Variants in LRRC38 observed in about 807,000 individuals in gnomAD.
LRRC38 encodes leucine-rich repeat-containing protein 38.
A neutral mutation model predicts 16.4 loss-of-function variants in LRRC38; 5 were observed. The ratio of observed to expected loss-of-function variants is 0.31; its 90% CI spans 0.16 to 0.64. The LOEUF (loss-of-function observed/expected upper bound fraction) is 0.64. LRRC38 is among the 30% of genes least tolerant of loss of function. The probability of loss-of-function intolerance (pLI) is 0.80; values close to 1 mark genes in which losing one functional copy is unlikely to be tolerated. For missense variants in LRRC38, 341 were observed against 401.8 expected, an observed-to-expected ratio of 0.85 and a Z score of 1.29; for synonymous variants, 191 against 190.2, an observed-to-expected ratio of 1.00 and a Z score of -0.04.
intron 1 of LRRC38, among the ~76,000 whole-genome samples, chr1:13,496,282 C>G (rs1441498996): frequency 6.6e-6 from 1 of 152,282 alleles, no homozygotes; most frequent in East Asian, 1.9e-4. Context: ...GATCCTCTTG[C>G]CTCAGCGTCC....
At position 13,481,587 on chromosome 1, in the gene LRRC38, G is replaced by A. The variant is rs184845258; in HGVS notation, c.632-5488C>T. Among the ~76,000 whole-genome samples, 79 of 151,272 alleles carry A rather than the reference G, an allele frequency of 5.2e-4. No individual in the cohort carries two copies. In the East Asian group the frequency reaches 0.014, roughly 26 times the overall value. Reference sequence around the variant, plus strand: ...TTTTTGTATTTTTTTAGTAGAGACGGGGTTTCACCGTGTTAGCCAGGATTG... The same window carrying A: ...TTTTTGTATTTTTTTAGTAGAGACGAGGTTTCACCGTGTTAGCCAGGATTG... On this transcript the variant is annotated intron_variant, in intron 1 of 1. Coordinates refer to ENST00000376085, the MANE Select transcript of LRRC38 (RefSeq NM_001010847.2).
intron 1 of LRRC38, among the ~76,000 whole-genome samples, chr1:13,484,638 A>G (rs978364602): frequency 6.6e-6 from 1 of 152,226 alleles, no homozygotes; most frequent in Non-Finnish European, 1.5e-5. Context: ...TCTCTGGAGT[A>G]GAGAGAAGCT....
At chr1:13,481,755 TTCTTTCCCTCTCTCTCCCTCTCTCCC>T (rs1480379842) in intron 1 of LRRC38, among the ~76,000 whole-genome samples, 1 of 88,016 alleles carries the variant, frequency 1.1e-5, no homozygotes, top group Non-Finnish European at 2.2e-5. Context: ...GCCTCTCACT[TTCTTTCCCTCTCTCTCCCTCTCTCCC>T]TCTCTCCCTC....
chr1:13,485,499 C>T (rs1294687219), intron 1 of LRRC38, among the ~76,000 whole-genome samples: 2 of 151,416 alleles, frequency 1.3e-5, no homozygotes, highest in African/African-American at 2.4e-5. Flanking sequence ...ACTCGGGAGG[C>T]GATGTTTGCA....
chr1:13,498,389 T>C (rs1457113861), intron 1 of LRRC38, among the ~76,000 whole-genome samples: 3 of 152,108 alleles, frequency 2.0e-5, no homozygotes, highest in Admixed American at 6.6e-5. Context: ...CTCAGCACTT[T>C]GGGAGGCTGA....
intron 1 of LRRC38, among the ~76,000 whole-genome samples, chr1:13,490,299 C>T (rs1483907043): frequency 2.0e-5 from 3 of 152,124 alleles, no homozygotes; most frequent in African/African-American, 7.2e-5. Context: ...GCTGGAATTA[C>T]AGGCAGTTGC....
intron 1 of LRRC38, among the ~76,000 whole-genome samples, chr1:13,478,433 C>T (rs1206082000): frequency 6.6e-6 from 1 of 152,202 alleles, no homozygotes; most frequent in Admixed American, 6.5e-5. Context: ...GATTTGAACC[C>T]AGCCATTTGG....
At chr1:13,484,137 C>T (rs1339043130) in intron 1 of LRRC38, among the ~76,000 whole-genome samples, 1 of 152,138 alleles carries the variant, frequency 6.6e-6, no homozygotes, top group Admixed American at 6.6e-5. Context: ...TCCTCAAACG[C>T]CCCGCGCAGG....
In LRRC38 at chr1:13,480,110, C is replaced by T. The variant is rs79172403; in HGVS notation, c.632-4011G>A. Among the ~76,000 whole-genome samples, 218 of 152,210 alleles carry T rather than the reference C, an allele frequency of 1.4e-3. 6 individuals carry two copies. In the East Asian group the frequency reaches 0.036, roughly 25 times the overall value. ...CTGTAATCCCAGCACTTTGGGAGGC[C>T]GAGGCGGGTGGATTACCTGAGGTCA... On this transcript the variant is annotated intron_variant, in intron 1 of 1. Transcript: ENST00000376085.
intron 1 of LRRC38, among the ~76,000 whole-genome samples, chr1:13,490,950 C>T (rs543557335): frequency 6.6e-6 from 1 of 152,262 alleles, no homozygotes; most frequent in Admixed American, 6.5e-5. Flanking sequence ...TGTCCCCTCC[C>T]ATGACACTGT....
intron 1 of LRRC38, among the ~76,000 whole-genome samples, chr1:13,498,606 G>T (rs1474974776): frequency 6.6e-6 from 1 of 152,180 alleles, no homozygotes; most frequent in East Asian, 1.9e-4. Flanking sequence ...ACTCCAGCCT[G>T]AGTGACAGAG....
At chr1:13,496,126 T>A (rs1402070256) in intron 1 of LRRC38, among the ~76,000 whole-genome samples, 1 of 151,846 alleles carries the variant, frequency 6.6e-6, no homozygotes, top group Non-Finnish European at 1.5e-5. Flanking sequence ...CTATACAAAT[T>A]CATGCCTCAA....
At chr1:13,496,546 A>G (rs930038155) in intron 1 of LRRC38, among the ~76,000 whole-genome samples, 1 of 152,020 alleles carries the variant, frequency 6.6e-6, no homozygotes, top group Non-Finnish European at 1.5e-5. Context: ...AGTTTACCAT[A>G]CTGGCTTCTC....
Position 13,512,950 on chromosome 1 carries a change from C to T in LRRC38, c.631+13G>A. ...CCCTCCCTCCCTCCCCCAGCCTAGC[C>T]GGCTCGGCTCACCTTTGGGCAGTTT... On this transcript the variant is annotated intron_variant, in intron 1 of 1. Coordinates refer to ENST00000376085, the MANE Select transcript of LRRC38 (RefSeq NM_001010847.2). 1 of 1,532,994 alleles carries T rather than the reference C, an allele frequency of 6.5e-7. No homozygotes were observed. The highest frequency in any genetic ancestry group is 2.5e-5 in the East Asian group (1 of 40,450). 95.0% of individuals were successfully genotyped at this position (1,532,994 alleles called of 1,614,324 possible).
chr1:13,506,877 C>G (rs1639219365), intron 1 of LRRC38, among the ~76,000 whole-genome samples: 1 of 152,244 alleles, frequency 6.6e-6, no homozygotes, highest in South Asian at 2.1e-4. Context: ...TGTGCAGCCA[C>G]TTGGCTTAAA....
At chr1:13,501,308 G>C (rs354576) in intron 1 of LRRC38, among the ~76,000 whole-genome samples, 147,939 of 152,242 alleles carry the variant, frequency 0.97, 71,960 homozygotes, top group Non-Finnish European at 0.98. Context: ...GATGTTAAAA[G>C]AGGGGAAACT....
intron 1 of LRRC38, among the ~76,000 whole-genome samples, chr1:13,510,548 A>G (rs1303340890): frequency 1.3e-5 from 2 of 152,080 alleles, no homozygotes; most frequent in African/African-American, 4.8e-5. Flanking sequence ...GTACAAAAAG[A>G]TCACACAATC....
rs1370563175 is a variant in LRRC38 at position 13,513,041 on chromosome 1, C to T, written c.553G>A (p.Gly185Arg). 5 of 1,549,890 alleles carry T rather than the reference C, an allele frequency of 3.2e-6. No homozygotes were observed. The highest frequency in any genetic ancestry group is 4.4e-6 in the Non-Finnish European group (5 of 1,146,722). The change falls in exon 1 of 2, where the codon GGG (glycine) becomes AGG (arginine). Residue 185 changes from glycine to arginine, a missense_variant. By Grantham distance (125) the Gly-to-Arg change is moderately radical (BLOSUM62 -2). Coordinates refer to ENST00000376085, the MANE Select transcript of LRRC38 (RefSeq NM_001010847.2). ...LPALRSLRLD[G>R]NPWLCDCDFA... Reference sequence around the variant, plus strand: ...TCACAGTCGCACAGCCAGGGGTTCCCGTCCAGACGCAGGGAGCGCAGCGCG... The same window carrying T: ...TCACAGTCGCACAGCCAGGGGTTCCTGTCCAGACGCAGGGAGCGCAGCGCG...
intron 1 of LRRC38, among the ~76,000 whole-genome samples, chr1:13,494,924 G>A (rs1028475874): frequency 2.3e-4 from 35 of 152,222 alleles, no homozygotes; most frequent in African/African-American, 8.0e-4. Flanking sequence ...ATTTGCTTTC[G>A]GCAGGTGTTT....
Sources: gnomAD v4.1 joint callset for allele counts (sites outside exome capture counted in the v4.1 genomes callset) on GRCh38, gnomAD v4.1.1 for gene constraint, MANE v1.5 for transcripts, NCBI Gene and HGNC (gene_info 2026-07-23, HGNC 2026-07-21) for gene names.